Variants in OPCML observed in about 807,000 individuals in gnomAD.
The protein encoded by OPCML is opioid binding protein/cell adhesion molecule like, also known as opioid-binding protein/cell adhesion molecule.
A neutral mutation model predicts 37.8 loss-of-function variants in OPCML; 13 were observed. The observed-to-expected ratio is 0.34, with a 90% CI of 0.22 to 0.55. OPCML has a LOEUF of 0.55. Ranked by LOEUF, OPCML falls within the 20% of genes least tolerant of loss-of-function variation. OPCML has a pLI of 0.91. For synonymous variants in OPCML, 176 were observed against 168.8 expected (o/e 1.04, Z -0.33); for missense variants, 341 against 435.6 (o/e 0.78, Z 1.93).
intron 4 of OPCML, among the ~76,000 whole-genome samples, chr11:132,514,553 G>A (rs1368679312): frequency 6.6e-6 from 1 of 152,182 alleles, no homozygotes; most frequent in Admixed American, 6.5e-5. Context: ...GCTCTCGGGA[G>A]TATAATTCCA....
intron 3 of OPCML, among the ~76,000 whole-genome samples, chr11:132,611,551 C>T (rs1257460456): frequency 3.3e-5 from 5 of 152,088 alleles, no homozygotes; most frequent in African/African-American, 7.2e-5. Flanking sequence ...TATTTGAGGA[C>T]AAGGTTTTTA....
chr11:132,914,499 T>G (rs1944542094), intron 2 of OPCML, among the ~76,000 whole-genome samples: 1 of 152,174 alleles, frequency 6.6e-6, no homozygotes, highest in African/African-American at 2.4e-5. Flanking sequence ...AAATTAAAAT[T>G]TGTTGTAGTT....
At chr11:132,729,558 T>C (rs752797415) in intron 2 of OPCML, among the ~76,000 whole-genome samples, 1 of 152,154 alleles carries the variant, frequency 6.6e-6, no homozygotes, top group Non-Finnish European at 1.5e-5. Context: ...TCTGTCTCCT[T>C]TGCTCATCCA....
At chr11:132,458,620 T>G (rs1445957850) in intron 4 of OPCML, among the ~76,000 whole-genome samples, 1 of 152,232 alleles carries the variant, frequency 6.6e-6, no homozygotes, top group East Asian at 1.9e-4. Flanking sequence ...TGTTAGAAAT[T>G]TGAATAATTT....
chr11:132,811,452 C>T (rs1591641805), intron 2 of OPCML, among the ~76,000 whole-genome samples: 2 of 152,282 alleles, frequency 1.3e-5, no homozygotes, highest in African/African-American at 4.8e-5. Flanking sequence ...CCATACTGTG[C>T]CATCCCATCC....
chr11:133,183,956 C>T (rs889876393), intron 1 of OPCML, among the ~76,000 whole-genome samples: 1 of 152,318 alleles, frequency 6.6e-6, no homozygotes, highest in Non-Finnish European at 1.5e-5. Context: ...CAATTTTCCT[C>T]CAAAGCCCAC....
At chr11:133,334,050 T>C (rs1943686051) in intron 1 of OPCML, among the ~76,000 whole-genome samples, 2 of 152,180 alleles carry the variant, frequency 1.3e-5, no homozygotes, top group Admixed American at 1.3e-4. Flanking sequence ...AGTGGGAATA[T>C]AAATTAGTTC....
intron 4 of OPCML, among the ~76,000 whole-genome samples, chr11:132,459,228 T>C (rs965096588): frequency 2.6e-5 from 4 of 152,076 alleles, no homozygotes; most frequent in African/African-American, 9.7e-5. Flanking sequence ...GCCTTCAGGC[T>C]GTCAGCCTTG....
chr11:132,813,545 CCT>C (rs1216027481), intron 2 of OPCML, among the ~76,000 whole-genome samples: 1 of 152,176 alleles, frequency 6.6e-6, no homozygotes, highest in Non-Finnish European at 1.5e-5. Flanking sequence ...GCAACCTTCT[CCT>C]CTCTTCTGTA....
intron 1 of OPCML, among the ~76,000 whole-genome samples, chr11:133,070,854 C>T (rs1948521653): frequency 6.6e-6 from 1 of 152,212 alleles, no homozygotes; most frequent in Non-Finnish European, 1.5e-5. Flanking sequence ...CTGTCAGGAC[C>T]ACACCTGGGC....
intron 3 of OPCML, among the ~76,000 whole-genome samples, chr11:132,575,343 T>C (rs2096447897): frequency 6.6e-6 from 1 of 152,074 alleles, no homozygotes; most frequent in Non-Finnish European, 1.5e-5. Flanking sequence ...TTAACTGTTT[T>C]CCTTTGTGTT....
At position 133,518,146 on chromosome 11, in the gene OPCML, G is replaced by A. The variant is rs141385951; in HGVS notation, c.61+14118C>T. ...GTGGAGAAGAGTGTGCATGTGTCAC[G>A]TGTATGGGTGGTGTGTGTGGATATA... On this transcript the variant is annotated intron_variant, in intron 1 of 7. Coordinates refer to ENST00000524381, the MANE Select transcript of OPCML (RefSeq NM_001012393.5). 1.4e-4 allele frequency among the ~76,000 whole-genome samples: 22 copies of A among 152,094 alleles called. No homozygotes were observed. In the East Asian group the frequency reaches 3.9e-3, roughly 27 times the overall value.
At chr11:132,850,224 G>A (rs1388995447) in intron 2 of OPCML, among the ~76,000 whole-genome samples, 1 of 152,114 alleles carries the variant, frequency 6.6e-6, no homozygotes, top group Non-Finnish European at 1.5e-5. Flanking sequence ...CTCATGGAAG[G>A]AAAGCGAGCC....
intron 4 of OPCML, among the ~76,000 whole-genome samples, chr11:132,518,622 C>T (rs1181527599): frequency 6.6e-6 from 1 of 152,186 alleles, no homozygotes; most frequent in Non-Finnish European, 1.5e-5. Context: ...TCCCTGACTT[C>T]TGTTAATCTT....
At position 132,436,772 on chromosome 11, in the gene OPCML, G is replaced by A. The variant is rs142073080; in HGVS notation, c.651C>T (p.Pro217=). The change falls in exon 6 of 8, where the codon CCC becomes CCT. Residue 217 remains proline (P), a synonymous_variant. Coordinates refer to ENST00000524381, the MANE Select transcript of OPCML (RefSeq NM_001012393.5). ...RKVKITVNYP[P]YISKAKNTGV... is the part of the protein sequence containing the mutation. Reference sequence around the variant, plus strand: ...CAGTGTTCTTGGCTTTTGAGATATAGGGAGGATCTGTGGGAAACACACACA... The same window carrying A: ...CAGTGTTCTTGGCTTTTGAGATATAAGGAGGATCTGTGGGAAACACACACA... 14 of 1,613,966 alleles carry A rather than the reference G, an allele frequency of 8.7e-6. No individual in the cohort carries two copies. The highest frequency in any genetic ancestry group is 1.1e-5 in the Non-Finnish European group (13 of 1,179,996).
intron 1 of OPCML, among the ~76,000 whole-genome samples, chr11:133,234,726 C>G (rs1180169564): frequency 6.6e-6 from 1 of 152,228 alleles, no homozygotes; most frequent in Non-Finnish European, 1.5e-5. Flanking sequence ...AGTTCTCTAG[C>G]CTTTCTTCAG....
At chr11:132,537,658 C>G (rs115229667) in intron 3 of OPCML, among the ~76,000 whole-genome samples, 2,869 of 152,178 alleles carry the variant, frequency 0.019, 84 homozygotes, top group African/African-American at 0.056. Context: ...CAAAATAAGA[C>G]AAAGTATTTG....
At chr11:132,457,345 C>T (rs1364363973) in intron 4 of OPCML, among the ~76,000 whole-genome samples, 3 of 152,196 alleles carry the variant, frequency 2.0e-5, no homozygotes, top group Non-Finnish European at 4.4e-5. Flanking sequence ...CTACTCTGCT[C>T]TTAAGACGCT....
intron 1 of OPCML, chr11:133,301,195 C>A (rs1458148481): frequency 6.6e-6 from 1 of 152,106 alleles, no homozygotes; most frequent in Non-Finnish European, 1.5e-5. Context: ...TATATAGTCA[C>A]CCTAGATATG....
Sources: gnomAD v4.1 joint callset for allele counts (sites outside exome capture counted in the v4.1 genomes callset) on GRCh38, gnomAD v4.1.1 for gene constraint, MANE v1.5 for transcripts, NCBI Gene and HGNC (gene_info 2026-07-23, HGNC 2026-07-21) for gene names.